Variants in FCHO2 observed in about 807,000 individuals in gnomAD.
FCHO2 encodes FCH and mu domain containing endocytic adaptor 2.
Under a neutral mutation model 114.1 loss-of-function variants are expected in FCHO2, and 43 were observed. The ratio of observed to expected loss-of-function variants is 0.38; its 90% CI spans 0.30 to 0.49. The LOEUF is 0.49. Among genes scored for constraint, FCHO2 ranks in the 20% least tolerant of loss-of-function variants. FCHO2 has a pLI of 0.97. For missense variants in FCHO2, 807 were observed against 950.4 expected (o/e 0.85, Z 1.98); for synonymous variants, 293 against 315.2 (o/e 0.93, Z 0.75).
intron 19 of FCHO2, among the ~76,000 whole-genome samples, chr5:73,071,026 T>C (rs559780391): frequency 6.6e-6 from 1 of 152,032 alleles, no homozygotes; most frequent in African/African-American, 2.4e-5. Flanking sequence ...TATCCAACTT[T>C]TCCTTTTCCA....
chr5:72,971,369 CCTGA>C (rs1752543206), intron 2 of FCHO2, among the ~76,000 whole-genome samples: 1 of 151,954 alleles, frequency 6.6e-6, no homozygotes, highest in South Asian at 2.1e-4. Context: ...CCTGTTGTTT[CCTGA>C]CTTTTTAATG....
At chr5:73,051,607 C>T (rs931570710) in intron 12 of FCHO2, among the ~76,000 whole-genome samples, 2 of 151,832 alleles carry the variant, frequency 1.3e-5, no homozygotes, top group Non-Finnish European at 2.9e-5. Flanking sequence ...CGCTCTCTTG[C>T]CCGGGCAGGA....
chr5:73,065,862 C>A (rs997706638), intron 18 of FCHO2, among the ~76,000 whole-genome samples: 2 of 151,866 alleles, frequency 1.3e-5, no homozygotes, highest in African/African-American at 4.8e-5. Context: ...TTGTACCCAA[C>A]AGGTAATTTT....
chr5:73,039,957 G>A (rs200416635), intron 10 of FCHO2, among the ~76,000 whole-genome samples: 55 of 114,180 alleles, frequency 4.8e-4, no homozygotes, highest in African/African-American at 1.4e-3. Context: ...AAAAAAAAAA[G>A]AAGAAGAAAG....
chr5:72,964,814 T>C (rs1258126652), intron 1 of FCHO2, among the ~76,000 whole-genome samples: 2 of 152,232 alleles, frequency 1.3e-5, no homozygotes, highest in Non-Finnish European at 2.9e-5. Context: ...ATAATTTCAC[T>C]TTCCACAGTT....
intron 17 of FCHO2, among the ~76,000 whole-genome samples, chr5:73,062,661 G>A (rs971092527): frequency 3.9e-5 from 6 of 151,914 alleles, no homozygotes; most frequent in African/African-American, 1.5e-4. Context: ...CCTGAACAGC[G>A]TTTGCATCTT....
chr5:73,034,906 G>A (rs924697577), intron 9 of FCHO2, among the ~76,000 whole-genome samples: 1 of 152,114 alleles, frequency 6.6e-6, no homozygotes, highest in Non-Finnish European at 1.5e-5. Context: ...TAATATTAGT[G>A]TGTTAGATTA....
At chr5:72,974,166 A>G (rs1336334266) in intron 2 of FCHO2, among the ~76,000 whole-genome samples, 23 of 148,402 alleles carry the variant, frequency 1.5e-4, no homozygotes, top group Admixed American at 2.0e-4. Context: ...GTGCTGAAAA[A>G]AATGTATATT....
chr5:73,053,334 T>C (rs1757419553), intron 13 of FCHO2, among the ~76,000 whole-genome samples: 1 of 152,138 alleles, frequency 6.6e-6, no homozygotes, highest in Non-Finnish European at 1.5e-5. Context: ...ATTTCTGAAA[T>C]GAGGTTTTAT....
At chr5:72,993,390 A>T (rs1234040511) in intron 5 of FCHO2, among the ~76,000 whole-genome samples, 2 of 152,196 alleles carry the variant, frequency 1.3e-5, no homozygotes, top group Non-Finnish European at 2.9e-5. Context: ...TTCATCTAAT[A>T]CTAATTTCAG....
intron 2 of FCHO2, among the ~76,000 whole-genome samples, chr5:72,985,169 T>C (rs1181089242): frequency 2.0e-5 from 3 of 148,498 alleles, no homozygotes; most frequent in Non-Finnish European, 3.0e-5. Flanking sequence ...ATTCAGTACT[T>C]TTTTTTTTTT....
At chr5:73,010,847 G>A (rs904134116) in intron 6 of FCHO2, among the ~76,000 whole-genome samples, 3 of 131,928 alleles carry the variant, frequency 2.3e-5, no homozygotes, top group African/African-American at 8.7e-5. Context: ...CTGCACTCCA[G>A]CCTGGGTGAC....
At chr5:72,958,269 A>G (rs1050312814) in intron 1 of FCHO2, among the ~76,000 whole-genome samples, 1 of 151,952 alleles carries the variant, frequency 6.6e-6, no homozygotes, top group Non-Finnish European at 1.5e-5. Flanking sequence ...CTAACCCAAA[A>G]ATTACGCCTT....
intron 17 of FCHO2, among the ~76,000 whole-genome samples, chr5:73,063,289 G>A (rs994467940): frequency 6.6e-6 from 1 of 152,020 alleles, no homozygotes; most frequent in Non-Finnish European, 1.5e-5. Flanking sequence ...AAAGTTAATT[G>A]TAATGATTTG....
chr5:72,966,573 G>A (rs1483074389), intron 1 of FCHO2, among the ~76,000 whole-genome samples: 1 of 152,186 alleles, frequency 6.6e-6, no homozygotes, highest in African/African-American at 2.4e-5. Context: ...AAAATGCTAA[G>A]GATATTGTTC....
chr5:73,009,577 A>G (rs556603232), intron 6 of FCHO2, among the ~76,000 whole-genome samples: 4 of 152,258 alleles, frequency 2.6e-5, no homozygotes, highest in South Asian at 4.1e-4. Context: ...CACTCTGTCA[A>G]CCAGGCTCGA....
chr5:73,057,235 G>A (rs1428791370), intron 16 of FCHO2, among the ~76,000 whole-genome samples: 1 of 152,014 alleles, frequency 6.6e-6, no homozygotes, highest in East Asian at 1.9e-4. Context: ...CAGAGTTAAT[G>A]TAAAATACAA....
At chr5:73,004,589 C>A (rs1754614453) in intron 5 of FCHO2, among the ~76,000 whole-genome samples, 1 of 151,890 alleles carries the variant, frequency 6.6e-6, no homozygotes, top group Non-Finnish European at 1.5e-5. Context: ...TATGCCAGAC[C>A]CTATTCCAAG....
In FCHO2 at chr5:73,087,637, A is replaced by G. The variant is rs184626850; in HGVS notation, c.2294A>G (p.Lys765Arg). 450 of 1,613,906 alleles carry G rather than the reference A, an allele frequency of 2.8e-4. 1 individual carries two copies. The African/African-American group carries it at 5.2e-3, about 18-fold the overall frequency. ...AKFDLSEGPS[K>R]PTTLAVQFLS... Reference sequence around the variant, plus strand: ...TTTGATCTTTCAGAAGGACCTAGTAAACCCACGACACTTGCAGTACAATTC... The same window carrying G: ...TTTGATCTTTCAGAAGGACCTAGTAGACCCACGACACTTGCAGTACAATTC... The change falls in exon 25 of 26, where the codon AAA becomes AGA. Residue 765 changes from lysine (K) to arginine (R), a missense_variant. Physicochemically the swap from Lys to Arg is conservative, Grantham distance 26. Transcript: ENST00000430046.
Sources: gnomAD v4.1 joint callset for allele counts (sites outside exome capture counted in the v4.1 genomes callset) on GRCh38, gnomAD v4.1.1 for gene constraint, MANE v1.5 for transcripts, NCBI Gene and HGNC (gene_info 2026-07-23, HGNC 2026-07-21) for gene names.